Variants in KCNIP4 observed in about 807,000 individuals in gnomAD.
KCNIP4 encodes the protein potassium voltage-gated channel interacting protein 4.
A neutral mutation model predicts 34.0 loss-of-function variants in KCNIP4; 12 were observed. The observed-to-expected ratio is 0.35, with a 90% CI of 0.23 to 0.57. The LOEUF is 0.57. Among genes scored for constraint, KCNIP4 ranks in the 20% least tolerant of loss-of-function variants. The probability of loss-of-function intolerance (pLI) is 0.83; values close to 1 mark genes in which losing one functional copy is unlikely to be tolerated. For synonymous variants in KCNIP4, 124 were observed against 102.2 expected (o/e 1.21, Z -1.29); for missense variants, 238 against 311.7 (o/e 0.76, Z 1.78).
At chr4:21,011,222 T>C (rs1739039063) in intron 1 of KCNIP4, among the ~76,000 whole-genome samples, 1 of 152,226 alleles carries the variant, frequency 6.6e-6, no homozygotes. Context: ...TCATTAACTT[T>C]AGAAGTGCTG....
At chr4:20,788,042 T>C (rs1712236709) in intron 3 of KCNIP4, among the ~76,000 whole-genome samples, 1 of 152,168 alleles carries the variant, frequency 6.6e-6, no homozygotes, top group South Asian at 2.1e-4. Context: ...TGAACACCTT[T>C]CACCTGGTAT....
At chr4:20,768,786 T>G (rs1448979209) in intron 3 of KCNIP4, among the ~76,000 whole-genome samples, 1 of 152,204 alleles carries the variant, frequency 6.6e-6, no homozygotes, top group African/African-American at 2.4e-5. Flanking sequence ...TTCCATTTCC[T>G]GAACACACTT....
At chr4:20,934,280 A>C (rs1730805617) in intron 1 of KCNIP4, among the ~76,000 whole-genome samples, 1 of 152,168 alleles carries the variant, frequency 6.6e-6, no homozygotes, top group South Asian at 2.1e-4. Context: ...AAAACAAAAC[A>C]ATATGTTCTT....
intron 1 of KCNIP4, among the ~76,000 whole-genome samples, chr4:21,548,514 T>G (rs534718825): frequency 1.2e-3 from 181 of 152,170 alleles, no homozygotes; most frequent in African/African-American, 4.2e-3. Flanking sequence ...ATAAAATGTA[T>G]CTGCAAATAT....
intron 1 of KCNIP4, among the ~76,000 whole-genome samples, chr4:21,306,385 T>G (rs1342577148): frequency 6.6e-6 from 1 of 152,212 alleles, no homozygotes; most frequent in African/African-American, 2.4e-5. Context: ...ATTCTTTTTT[T>G]TGAGAGAGAG....
chr4:20,864,419 A>G (rs1487968302), intron 2 of KCNIP4, among the ~76,000 whole-genome samples: 1 of 151,492 alleles, frequency 6.6e-6, no homozygotes, highest in Non-Finnish European at 1.5e-5. Context: ...ATATATACAT[A>G]CACTCATAAA....
chr4:20,840,728 ATTT>A lies in KCNIP4; in HGVS notation c.288+9812_288+9814del, dbSNP rs1217220885. On this transcript the variant is annotated intron_variant, in intron 3 of 8. Transcript: ENST00000382152. Reference sequence around the variant, plus strand: ...ATTAGGAAATGAAAGAGAAACAAACATTTTTTTGTCTTAAACCACTGAGTTACT... The same window carrying A: ...ATTAGGAAATGAAAGAGAAACAAACATTTTGTCTTAAACCACTGAGTTACT... Among the ~76,000 whole-genome samples the A allele has an allele frequency of 2.0e-5, 3 of 152,064 alleles. No individual in the cohort carries two copies. The South Asian group carries it at 6.2e-4, about 32-fold the overall frequency.
chr4:21,351,978 T>C (rs979330322), intron 1 of KCNIP4, among the ~76,000 whole-genome samples: 7 of 152,136 alleles, frequency 4.6e-5, no homozygotes, highest in African/African-American at 1.7e-4. Flanking sequence ...ACTAATCACA[T>C]CATAAGTTGA....
At chr4:21,560,548 T>C (rs1739425409) in intron 1 of KCNIP4, among the ~76,000 whole-genome samples, 1 of 152,108 alleles carries the variant, frequency 6.6e-6, no homozygotes, top group Admixed American at 6.6e-5. Context: ...CAAGATTTTA[T>C]TTATGTTAAG....
chr4:20,762,090 T>C (rs111943454), intron 3 of KCNIP4, among the ~76,000 whole-genome samples: 7 of 152,276 alleles, frequency 4.6e-5, no homozygotes, highest in African/African-American at 1.7e-4. Context: ...AATAGAAATT[T>C]ATTTCTCATA....
At chr4:21,834,355 T>C (rs991976485) in intron 1 of KCNIP4, among the ~76,000 whole-genome samples, 5 of 152,190 alleles carry the variant, frequency 3.3e-5, no homozygotes, top group Admixed American at 1.3e-4. Context: ...TTGGAAGCAA[T>C]TGTGAATGGG....
At chr4:21,110,016 C>T (rs1452004200) in intron 1 of KCNIP4, among the ~76,000 whole-genome samples, 2 of 152,104 alleles carry the variant, frequency 1.3e-5, no homozygotes, top group South Asian at 2.1e-4. Flanking sequence ...GCCTTCTGAA[C>T]CCTCATCAGG....
intron 1 of KCNIP4, among the ~76,000 whole-genome samples, chr4:20,989,337 T>A (rs1736876185): frequency 6.6e-6 from 1 of 152,220 alleles, no homozygotes; most frequent in Admixed American, 6.5e-5. Flanking sequence ...TTTAAAAATT[T>A]GCAAATGCAT....
intron 1 of KCNIP4, among the ~76,000 whole-genome samples, chr4:21,581,801 T>G (rs933431119): frequency 6.6e-6 from 1 of 152,124 alleles, no homozygotes; most frequent in East Asian, 1.9e-4. Context: ...GTCAAACTCA[T>G]GTGATCCTGT....
At chr4:21,461,240 A>G (rs1162367737) in intron 1 of KCNIP4, among the ~76,000 whole-genome samples, 1 of 151,904 alleles carries the variant, frequency 6.6e-6, no homozygotes, top group Non-Finnish European at 1.5e-5. Flanking sequence ...CTGCTCCACC[A>G]TGGGAAGATG....
intron 1 of KCNIP4, among the ~76,000 whole-genome samples, chr4:21,690,192 T>C (rs1751164957): frequency 6.6e-6 from 1 of 150,486 alleles, no homozygotes; most frequent in Non-Finnish European, 1.5e-5. Context: ...ATGATCTCTG[T>C]CATGGTCAGT....
intron 1 of KCNIP4, among the ~76,000 whole-genome samples, chr4:21,397,303 A>G (rs1317596289): frequency 6.6e-6 from 1 of 152,242 alleles, no homozygotes; most frequent in Non-Finnish European, 1.5e-5. Context: ...TGATGTTTCA[A>G]TATTACAAAA....
At chr4:21,406,537 G>T (rs1333478354) in intron 1 of KCNIP4, among the ~76,000 whole-genome samples, 1 of 151,996 alleles carries the variant, frequency 6.6e-6, no homozygotes, top group Non-Finnish European at 1.5e-5. Flanking sequence ...ATCACAACTC[G>T]AGCTCATCTT....
intron 1 of KCNIP4, among the ~76,000 whole-genome samples, chr4:21,674,906 T>A (rs935587354): frequency 6.6e-6 from 1 of 152,166 alleles, no homozygotes; most frequent in African/African-American, 2.4e-5. Context: ...AAATCAAATA[T>A]CTAATTCTTA....
Sources: gnomAD v4.1 joint callset for allele counts (sites outside exome capture counted in the v4.1 genomes callset) on GRCh38, gnomAD v4.1.1 for gene constraint, MANE v1.5 for transcripts, NCBI Gene and HGNC (gene_info 2026-07-23, HGNC 2026-07-21) for gene names.